MTHFD1L: variants seen among roughly 807,000 people sequenced by gnomAD.
The protein encoded by MTHFD1L is monofunctional C1-tetrahydrofolate synthase, mitochondrial.
Under a neutral mutation model 119.5 loss-of-function variants are expected in MTHFD1L, and 81 were observed. That is an observed-to-expected ratio of 0.68 (90% CI 0.57 to 0.82). The LOEUF (loss-of-function observed/expected upper bound fraction) is 0.82. MTHFD1L is among the 40% of genes least tolerant of loss of function. The pLI, the probability that MTHFD1L is intolerant of heterozygous loss-of-function variation, is 0.00. For missense variants in MTHFD1L, 1,125 were observed against 1,253.4 expected, an observed-to-expected ratio of 0.90 and a Z score of 1.55; for synonymous variants, 430 against 475.2, an observed-to-expected ratio of 0.90 and a Z score of 1.24.
chr6:150,872,104 C>T (rs1779648348), intron 1 of MTHFD1L, among the ~76,000 whole-genome samples: 1 of 151,858 alleles, frequency 6.6e-6, no homozygotes, highest in African/African-American at 2.4e-5. Context: ...TCTCCAACTC[C>T]TGACCTCGTG....
intron 8 of MTHFD1L, among the ~76,000 whole-genome samples, chr6:150,912,031 CT>C (rs1475051493): frequency 1.3e-5 from 2 of 152,010 alleles, no homozygotes; most frequent in Non-Finnish European, 2.9e-5. Context: ...ATACTACATA[CT>C]TTTAAAAACC....
At chr6:150,938,633 G>A (rs1020917467) in intron 12 of MTHFD1L, 66 bp from the exon 13 acceptor site, 1 of 1,548,952 alleles carries the variant, frequency 6.5e-7, no homozygotes, top group Admixed American at 1.9e-5. Context: ...GTGTCCCTTG[G>A]CCTGTGTCCA....
intron 18 of MTHFD1L, among the ~76,000 whole-genome samples, chr6:150,961,363 G>C (rs538469080): frequency 6.6e-6 from 1 of 152,202 alleles, no homozygotes; most frequent in Non-Finnish European, 1.5e-5. Context: ...CAAAATGCTG[G>C]GATTACAGGC....
At chr6:151,088,683 C>G (rs1233009455) in intron 26 of MTHFD1L, among the ~76,000 whole-genome samples, 3 of 145,330 alleles carry the variant, frequency 2.1e-5, no homozygotes, top group Non-Finnish European at 4.5e-5. Context: ...GTTGGCCAGG[C>G]TGACTTCAAG....
intron 26 of MTHFD1L, among the ~76,000 whole-genome samples, chr6:151,086,136 G>A (rs3849793): frequency 0.32 from 49,111 of 152,006 alleles, 9,138 homozygotes; most frequent in East Asian, 0.57. Context: ...CATCCCTGCC[G>A]ACCAGGAATG....
intron 26 of MTHFD1L, among the ~76,000 whole-genome samples, chr6:151,052,728 G>C (rs559124754): frequency 5.3e-5 from 8 of 152,348 alleles, no homozygotes; most frequent in Admixed American, 1.3e-4. Flanking sequence ...CTAGCAGCCT[G>C]TGTGAATGAT....
At position 151,015,520 on chromosome 6, in the gene MTHFD1L, G is replaced by A. The variant is rs191699496; in HGVS notation, c.2413G>A (p.Asp805Asn). Residue 805 changes from aspartate to asparagine, a missense_variant, in exon 24 of 28, where the codon GAC becomes AAC. Transcript: ENST00000367321. Reference sequence around the variant, plus strand: ...CACAAACATTTTCTTCACTAGGACCGACACCCGCGCTGAGATTGACTTGGT... The same window carrying A: ...CACAAACATTTTCTTCACTAGGACCAACACCCGCGCTGAGATTGACTTGGT... ...VVVALNVFKT[D>N]TRAEIDLVCE... 1.8e-4 allele frequency: 285 copies of A among 1,606,120 alleles called. No homozygotes were observed. Among genetic ancestry groups the A allele is most frequent in the South Asian group, 4.1e-4 (37 of 89,696 alleles).
intron 25 of MTHFD1L, among the ~76,000 whole-genome samples, chr6:151,036,325 T>C (rs939267027): frequency 6.6e-6 from 1 of 152,200 alleles, no homozygotes; most frequent in African/African-American, 2.4e-5. Context: ...AAAGGAACAC[T>C]GTGTGCCATT....
chr6:150,875,943 C>T, intron 1 of MTHFD1L, 147 bp from the exon 2 acceptor site: 2 of 622,786 alleles, frequency 3.2e-6, no homozygotes, highest in Non-Finnish European at 5.7e-6. Flanking sequence ...CGCCGCCTAC[C>T]CCCTCCACAG....
chr6:150,884,800 G>A (rs1394924235), intron 5 of MTHFD1L, among the ~76,000 whole-genome samples: 3 of 152,170 alleles, frequency 2.0e-5, no homozygotes, highest in African/African-American at 7.2e-5. Flanking sequence ...TCAGAAGTGT[G>A]TGGTCACTCA....
chr6:150,946,398 C>T (rs1793950550), intron 15 of MTHFD1L, among the ~76,000 whole-genome samples: 1 of 152,236 alleles, frequency 6.6e-6, no homozygotes, highest in South Asian at 2.1e-4. Flanking sequence ...GATCCATCCA[C>T]CTTGGCCTCC....
At chr6:151,047,926 T>TA (rs1788353228) in intron 26 of MTHFD1L, among the ~76,000 whole-genome samples, 1 of 152,116 alleles carries the variant, frequency 6.6e-6, no homozygotes, top group Non-Finnish European at 1.5e-5. Context: ...TCAGGAAACT[T>TA]ACAATCATGG....
chr6:150,962,068 C>A (rs1583821225), intron 18 of MTHFD1L, among the ~76,000 whole-genome samples: 1 of 152,154 alleles, frequency 6.6e-6, no homozygotes, highest in South Asian at 2.1e-4. Context: ...TGGCTCACTG[C>A]AACCTCTGCC....
intron 1 of MTHFD1L, chr6:150,866,584 C>T: frequency 2.4e-6 from 3 of 1,227,002 alleles, no homozygotes; most frequent in Non-Finnish European, 3.0e-6. Flanking sequence ...CGCGGCCCCT[C>T]CTGCTGGGCT....
intron 26 of MTHFD1L, among the ~76,000 whole-genome samples, chr6:151,083,129 T>C (rs1308565514): frequency 6.6e-6 from 1 of 152,232 alleles, no homozygotes; most frequent in African/African-American, 2.4e-5. Flanking sequence ...GTGTGATCAT[T>C]ACAGTGAAAT....
intron 26 of MTHFD1L, among the ~76,000 whole-genome samples, chr6:151,040,716 GA>G (rs1786961986): frequency 6.6e-6 from 1 of 152,102 alleles, no homozygotes; most frequent in South Asian, 2.1e-4. Flanking sequence ...CTAAAAAAAT[GA>G]AATAAAATAA....
At chr6:151,079,273 C>G (rs1792880530) in intron 26 of MTHFD1L, among the ~76,000 whole-genome samples, 1 of 151,672 alleles carries the variant, frequency 6.6e-6, no homozygotes, top group Non-Finnish European at 1.5e-5. Flanking sequence ...TATGAAGGAG[C>G]TAAGTCCCCA....
intron 26 of MTHFD1L, among the ~76,000 whole-genome samples, chr6:151,062,940 G>A (rs565636781): frequency 2.9e-4 from 44 of 152,060 alleles, no homozygotes; most frequent in African/African-American, 9.9e-4. Context: ...TGTAAATGTC[G>A]AGTTAATGGG....
intron 27 of MTHFD1L, chr6:151,100,029 CTTTT>C: frequency 1.6e-6 from 1 of 610,384 alleles, no homozygotes. Context: ...TATTTTCTTT[CTTTT>C]CTTTTTTTTT....
Sources: allele counts gnomAD v4.1 joint callset (sites outside exome capture counted in the v4.1 genomes callset), GRCh38; gene constraint gnomAD v4.1.1; transcripts MANE v1.5; gene names NCBI Gene and HGNC (gene_info 2026-07-23, HGNC 2026-07-21).